The following PTPRK variants were observed in gnomAD, a reference collection of about 807,000 sequenced individuals.
The protein encoded by PTPRK is receptor-type tyrosine-protein phosphatase kappa.
A neutral mutation model predicts 178.0 loss-of-function variants in PTPRK; 75 were observed. The ratio of observed to expected loss-of-function variants is 0.42; its 90% confidence interval spans 0.35 to 0.51. The LOEUF (loss-of-function observed/expected upper bound fraction) is 0.51, where lower values mean the gene tolerates loss of function less well. PTPRK is among the 20% of genes least tolerant of loss of function. The pLI, the probability that PTPRK is intolerant of heterozygous loss-of-function variation, is 0.02. For missense variants in PTPRK, 1,441 were observed against 1,797.8 expected (o/e 0.80, Z 3.59); for synonymous variants, 637 against 620.6 (o/e 1.03, Z -0.39).
At chr6:128,501,286 T>C (rs1376864123) in intron 1 of PTPRK, 3 of 152,154 alleles carry the variant, frequency 2.0e-5, no homozygotes, top group Non-Finnish European at 4.4e-5. Context: ...AGATTTTATA[T>C]AAGATATACA....
intron 1 of PTPRK, among the ~76,000 whole-genome samples, chr6:128,470,285 T>A (rs956758577): frequency 6.6e-6 from 1 of 151,784 alleles, no homozygotes; most frequent in East Asian, 1.9e-4. Context: ...TATGAGTTTA[T>A]TGGAATGTTC....
intron 7 of PTPRK, among the ~76,000 whole-genome samples, chr6:128,099,487 G>A (rs906191622): frequency 6.6e-6 from 1 of 151,894 alleles, no homozygotes; most frequent in Non-Finnish European, 1.5e-5. Flanking sequence ...TTGTTCCTTA[G>A]AAAGATTATG....
intron 1 of PTPRK, among the ~76,000 whole-genome samples, chr6:128,416,342 G>C (rs1285508847): frequency 1.3e-5 from 2 of 151,788 alleles, no homozygotes; most frequent in African/African-American, 4.8e-5. Flanking sequence ...GGAATACTAA[G>C]ATAAGAACTG....
At chr6:128,279,936 A>C (rs1471163141) in intron 3 of PTPRK, among the ~76,000 whole-genome samples, 1 of 152,184 alleles carries the variant, frequency 6.6e-6, no homozygotes, top group African/African-American at 2.4e-5. Flanking sequence ...ATCAGGCAGT[A>C]AAGTCTTTGT....
Position 128,072,809 on chromosome 6 carries a change from A to G in PTPRK, c.1884-5017T>C, listed in dbSNP as rs975523220. 2.0e-5 allele frequency among the ~76,000 whole-genome samples: 3 copies of G among 151,964 alleles called. No individual in the cohort carries two copies. In the East Asian group the frequency reaches 5.8e-4, roughly 29 times the overall value. ...TCTGTCTTCTAAAGGCAATGGAGTA[A>G]TTTTTAAGATGAGGATGACTGAAGG... On this transcript the variant is annotated intron_variant, in intron 11 of 29. Coordinates refer to ENST00000368226, the MANE Select transcript of PTPRK (RefSeq NM_002844.4).
At chr6:128,215,275 G>A (rs1029237035) in intron 6 of PTPRK, among the ~76,000 whole-genome samples, 3 of 152,290 alleles carry the variant, frequency 2.0e-5, no homozygotes, top group Middle Eastern at 3.4e-3. Context: ...GGAAACAGAC[G>A]GAGGAGATCA....
At chr6:128,000,122 C>G (rs1777631663) in intron 15 of PTPRK, 1 of 978,838 alleles carries the variant, frequency 1.0e-6, no homozygotes, top group African/African-American at 1.8e-5. Flanking sequence ...CTTTGAAAAG[C>G]ATTATACCGT....
chr6:127,991,515 C>T (rs912479801), intron 19 of PTPRK, 124 bp from the exon 20 acceptor site: 6 of 547,706 alleles, frequency 1.1e-5, no homozygotes, highest in Non-Finnish European at 1.7e-5. Context: ...CAAAATGTCA[C>T]TGAAAATACT....
intron 2 of PTPRK, among the ~76,000 whole-genome samples, chr6:128,339,782 C>T (rs1468508566): frequency 1.3e-5 from 2 of 152,112 alleles, no homozygotes; most frequent in Non-Finnish European, 2.9e-5. Context: ...GCCAGGCTTC[C>T]AGAAACAGCT....
intron 21 of PTPRK, among the ~76,000 whole-genome samples, chr6:127,986,855 T>C (rs1418608023): frequency 6.6e-6 from 1 of 152,164 alleles, no homozygotes; most frequent in East Asian, 1.9e-4. Flanking sequence ...ACCAAAACCT[T>C]GGAAGTTAGT....
chr6:128,039,468 G>C (rs994121224), intron 13 of PTPRK, among the ~76,000 whole-genome samples: 10 of 152,006 alleles, frequency 6.6e-5, no homozygotes, highest in African/African-American at 2.4e-4. Context: ...ATTACATACA[G>C]CAAAGTTTCT....
At chr6:128,142,311 T>G (rs1359008479) in intron 7 of PTPRK, among the ~76,000 whole-genome samples, 1 of 151,962 alleles carries the variant, frequency 6.6e-6, no homozygotes, top group Non-Finnish European at 1.5e-5. Context: ...AAGAAACTGA[T>G]AAGCTGTCTG....
chr6:128,228,403 T>C (rs1159755777), intron 5 of PTPRK, among the ~76,000 whole-genome samples: 1 of 151,210 alleles, frequency 6.6e-6, no homozygotes, highest in Non-Finnish European at 1.5e-5. Flanking sequence ...TCCCAACACT[T>C]TGGGAGGCCG....
At chr6:128,493,274 G>A (rs554981610) in intron 1 of PTPRK, among the ~76,000 whole-genome samples, 14 of 152,024 alleles carry the variant, frequency 9.2e-5, no homozygotes, top group South Asian at 2.1e-4. Flanking sequence ...TGTACCCCCC[G>A]CTAACTGGCT....
intron 8 of PTPRK, among the ~76,000 whole-genome samples, chr6:128,088,113 C>T (rs990133421): frequency 2.6e-5 from 4 of 152,124 alleles, no homozygotes; most frequent in African/African-American, 7.2e-5. Flanking sequence ...CACAGTGGCT[C>T]ACGCCTGTAA....
At chr6:128,208,179 A>G (rs1467603944) in intron 6 of PTPRK, among the ~76,000 whole-genome samples, 1 of 152,030 alleles carries the variant, frequency 6.6e-6, no homozygotes, top group Non-Finnish European at 1.5e-5. Context: ...TAACACAGGA[A>G]GATTATGTCA....
intron 2 of PTPRK, among the ~76,000 whole-genome samples, chr6:128,345,402 G>C (rs910893443): frequency 2.0e-5 from 3 of 152,100 alleles, no homozygotes; most frequent in Non-Finnish European, 2.9e-5. Context: ...CTCTCATCCT[G>C]TCATCTGTTT....
At chr6:128,041,903 A>G (rs984677413) in intron 13 of PTPRK, among the ~76,000 whole-genome samples, 2 of 151,898 alleles carry the variant, frequency 1.3e-5, no homozygotes, top group Non-Finnish European at 1.5e-5. Flanking sequence ...TATATATAAT[A>G]TACATTTGTG....
chr6:128,396,170 CAT>C (rs1226794398), intron 2 of PTPRK, among the ~76,000 whole-genome samples: 4 of 151,418 alleles, frequency 2.6e-5, no homozygotes, highest in African/African-American at 9.7e-5. Flanking sequence ...CTAAAATTGT[CAT>C]ATCTAAAATT....
Sources: gnomAD v4.1 joint callset for allele counts (sites outside exome capture counted in the v4.1 genomes callset) on GRCh38, gnomAD v4.1.1 for gene constraint, MANE v1.5 for transcripts, NCBI Gene and HGNC (gene_info 2026-07-23, HGNC 2026-07-21) for gene names.